ANKH: variants seen among roughly 807,000 people sequenced by gnomAD.
The protein encoded by ANKH is mineralization regulator ANKH.
A neutral mutation model predicts 49.0 loss-of-function variants in ANKH; 15 were observed. That is an observed-to-expected ratio of 0.31 (90% confidence interval 0.20 to 0.47). The LOEUF is 0.47. ANKH is among the 20% of genes least tolerant of loss of function. The pLI is 1.00. For synonymous variants in ANKH, 273 were observed against 260.0 expected (o/e 1.05, Z -0.48); for missense variants, 429 against 652.0 (o/e 0.66, Z 3.72).
intron 1 of ANKH, among the ~76,000 whole-genome samples, chr5:14,812,007 T>C (rs535337274): frequency 1.0e-3 from 156 of 152,170 alleles, no homozygotes; most frequent in African/African-American, 3.5e-3. Context: ...CTTCAATTCA[T>C]GGTACTATCA....
chr5:14,751,850 A>G (rs956229663), intron 4 of ANKH, among the ~76,000 whole-genome samples: 2 of 152,168 alleles, frequency 1.3e-5, no homozygotes, highest in African/African-American at 4.8e-5. Context: ...CATGGAATCT[A>G]TTTACTCATT....
chr5:14,855,311 C>A (rs1441678837), intron 1 of ANKH, among the ~76,000 whole-genome samples: 1 of 152,174 alleles, frequency 6.6e-6, no homozygotes, highest in Non-Finnish European at 1.5e-5. Flanking sequence ...TTTATTTGCC[C>A]TCCTATTAAT....
chr5:14,784,318 G>A (rs559445824), intron 1 of ANKH, among the ~76,000 whole-genome samples: 4 of 152,186 alleles, frequency 2.6e-5, no homozygotes, highest in South Asian at 4.1e-4. Context: ...GTTAATATAC[G>A]GTGCTACCAA....
intron 8 of ANKH, among the ~76,000 whole-genome samples, chr5:14,738,999 T>C (rs1738271294): frequency 6.6e-6 from 1 of 152,166 alleles, no homozygotes; most frequent in Non-Finnish European, 1.5e-5. Context: ...AAAGATGACA[T>C]TGCAGACCCT....
rs557591098 is a variant in ANKH at position 14,848,782 on chromosome 5, G to A, written c.96+22570C>T. 1.7e-4 allele frequency among the ~76,000 whole-genome samples: 26 copies of A among 152,310 alleles called. No individual in the cohort carries two copies. The South Asian group carries it at 3.9e-3, about 23-fold the overall frequency. On this transcript the variant is annotated intron_variant, in intron 1 of 11. Transcript: ENST00000284268. ...ACAGAGCTATAACACTCACCGCATG[G>A]CCCAAGGTTCCGTTCCTTGTAATCC...
chr5:14,742,650 G>A (rs557146022), intron 7 of ANKH, among the ~76,000 whole-genome samples: 1 of 152,350 alleles, frequency 6.6e-6, no homozygotes, highest in South Asian at 2.1e-4. Context: ...ATCATGTCCT[G>A]TCATGCGTCC....
chr5:14,861,304 G>GCTGA (rs1034674229), intron 1 of ANKH, among the ~76,000 whole-genome samples: 4 of 152,088 alleles, frequency 2.6e-5, no homozygotes, highest in African/African-American at 9.7e-5. Flanking sequence ...TAACCACAAA[G>GCTGA]CTGACCTCTG....
chr5:14,755,331 C>T (rs981026834), intron 4 of ANKH, among the ~76,000 whole-genome samples: 6 of 152,264 alleles, frequency 3.9e-5, no homozygotes, highest in African/African-American at 7.2e-5. Context: ...CTTCTCAGAC[C>T]GCGTGGAAAG....
In ANKH at chr5:14,843,549, G is replaced by GAAAAAAA. The variant is rs60487783; in HGVS notation, c.96+27796_96+27802dup. ...CCCAAACAACTATCAGGGGATTAGC[G>GAAAAAAA]AAAAAAAAAAAAAAAAAAAAGAGCC... On this transcript the variant is annotated intron_variant, in intron 1 of 11. Transcript: ENST00000284268. 5.6e-3 allele frequency among the ~76,000 whole-genome samples: 344 copies of GAAAAAAA among 60,912 alleles called. 7 individuals are homozygous for GAAAAAAA. Among genetic ancestry groups the GAAAAAAA allele is most frequent in the East Asian group, 0.026 (45 of 1,746 alleles). 40.0% of individuals were successfully genotyped at this position (60,912 alleles called of 152,430 possible).
chr5:14,759,111 G>A (rs1738992880), intron 2 of ANKH, among the ~76,000 whole-genome samples: 1 of 152,156 alleles, frequency 6.6e-6, no homozygotes, highest in Non-Finnish European at 1.5e-5. Flanking sequence ...ATGTTAATAT[G>A]CCTTTCCATA....
intron 6 of ANKH, among the ~76,000 whole-genome samples, chr5:14,748,773 G>A (rs1380875482): frequency 6.6e-6 from 1 of 152,228 alleles, no homozygotes; most frequent in African/African-American, 2.4e-5. Flanking sequence ...CATGTGGCAT[G>A]CATGCTCCAT....
chr5:14,753,234 A>G (rs562250260), intron 4 of ANKH, among the ~76,000 whole-genome samples: 2 of 152,318 alleles, frequency 1.3e-5, no homozygotes, highest in East Asian at 3.9e-4. Flanking sequence ...ATGAGGTCTT[A>G]TGTTGGAAGG....
chr5:14,847,602 G>A (rs914028984), intron 1 of ANKH, among the ~76,000 whole-genome samples: 5 of 152,104 alleles, frequency 3.3e-5, no homozygotes, highest in African/African-American at 1.2e-4. Flanking sequence ...AACTGCATGG[G>A]GCCACGTCAG....
At chr5:14,742,617 C>G (rs1490897026) in intron 7 of ANKH, among the ~76,000 whole-genome samples, 1 of 152,220 alleles carries the variant, frequency 6.6e-6, no homozygotes, top group Non-Finnish European at 1.5e-5. Context: ...GCCTGATGAC[C>G]CTGGAGCTCT....
intron 6 of ANKH, among the ~76,000 whole-genome samples, chr5:14,747,325 A>G (rs915687799): frequency 6.6e-6 from 1 of 152,190 alleles, no homozygotes; most frequent in African/African-American, 2.4e-5. Context: ...TAAGCCTATA[A>G]TCCCAGCACT....
chr5:14,857,057 T>C (rs1413463005), intron 1 of ANKH, among the ~76,000 whole-genome samples: 1 of 152,150 alleles, frequency 6.6e-6, no homozygotes, highest in Non-Finnish European at 1.5e-5. Flanking sequence ...TTCCCAAATA[T>C]ACGGGGGAGT....
At chr5:14,845,078 C>T (rs1741917960) in intron 1 of ANKH, among the ~76,000 whole-genome samples, 2 of 150,290 alleles carry the variant, frequency 1.3e-5, no homozygotes, top group African/African-American at 4.9e-5. Flanking sequence ...TCAAAGAGGA[C>T]TTTAATAAGG....
At chr5:14,793,572 A>T (rs944410751) in intron 1 of ANKH, among the ~76,000 whole-genome samples, 15 of 152,144 alleles carry the variant, frequency 9.9e-5, no homozygotes, top group African/African-American at 3.6e-4. Flanking sequence ...CAGGGTGAAG[A>T]GGCAGAATAA....
chr5:14,763,789 C>T (rs1272609307), intron 2 of ANKH, among the ~76,000 whole-genome samples: 1 of 152,170 alleles, frequency 6.6e-6, no homozygotes, highest in African/African-American at 2.4e-5. Context: ...CCATAACCCC[C>T]AAAAGAAGTG....
Sources: allele counts gnomAD v4.1 joint callset (sites outside exome capture counted in the v4.1 genomes callset), GRCh38; gene constraint gnomAD v4.1.1; transcripts MANE v1.5; gene names NCBI Gene and HGNC (gene_info 2026-07-23, HGNC 2026-07-21).